The following TRPM1 variants were observed in gnomAD, a reference collection of about 807,000 sequenced individuals.
TRPM1 encodes TRPM1-203 APA Isoform, Intron 10.
In TRPM1, 113 loss-of-function variants were observed where a neutral mutation model predicts 149.4. The ratio of observed to expected loss-of-function variants is 0.76; its 90% CI spans 0.65 to 0.88. TRPM1 has a LOEUF of 0.88. Ranked by LOEUF, TRPM1 falls within the 40% of genes least tolerant of loss-of-function variation. The pLI is 0.00. For missense variants in TRPM1, 1,976 were observed against 2,038.7 expected (o/e 0.97, Z 0.59); for synonymous variants, 741 against 759.5 (o/e 0.98, Z 0.40).
intron 27 of TRPM1, among the ~76,000 whole-genome samples, chr15:31,022,704 T>C (rs1449422099): frequency 6.6e-6 from 1 of 152,152 alleles, no homozygotes. Context: ...AGGGAACTCA[T>C]TAAGGATGGG....
At position 31,136,519 on chromosome 15, in the gene TRPM1, G is replaced by A. The variant is rs184956462; in HGVS notation, c.54+24387C>T. On this transcript the variant is annotated intron_variant, in intron 1 of 26. Coordinates refer to the TRPM1 transcript ENST00000542188. ...CTGATCTGCCATCATCACAGATTGG[G>A]TTAGGCTGCTACTGAAACAGACAAT... Among the ~76,000 whole-genome samples the A allele has an allele frequency of 5.9e-5, 9 of 152,324 alleles. No individual in the cohort carries two copies. The East Asian group carries it at 1.7e-3, about 29-fold the overall frequency.
intron 2 of TRPM1, among the ~76,000 whole-genome samples, chr15:31,078,494 C>G (rs1388059744): frequency 6.6e-6 from 1 of 152,160 alleles, no homozygotes; most frequent in Non-Finnish European, 1.5e-5. Flanking sequence ...TCCTCAGTAG[C>G]CTTCAAAAAG....
intron 26 of TRPM1, among the ~76,000 whole-genome samples, chr15:31,026,574 C>T (rs1156630230): frequency 6.6e-6 from 1 of 152,090 alleles, no homozygotes; most frequent in African/African-American, 2.4e-5. Context: ...TAGAGTCAAA[C>T]GTATAGCATT....
At chr15:31,056,735 A>G (rs1431406574) in intron 11 of TRPM1, among the ~76,000 whole-genome samples, 3 of 152,166 alleles carry the variant, frequency 2.0e-5, no homozygotes, top group Admixed American at 6.6e-5. Flanking sequence ...GATTTGTTTT[A>G]AGAGTTCAGC....
chr15:31,037,559 A>G, intron 20 of TRPM1, 152 bp downstream of exon 20: 2 of 1,058,340 alleles, frequency 1.9e-6, no homozygotes, highest in Non-Finnish European at 2.8e-6. Context: ...TGTTAGCCAG[A>G]GATCTCAATT....
chr15:31,010,260 G>C (rs1486348622), intron 27 of TRPM1, among the ~76,000 whole-genome samples: 1 of 152,220 alleles, frequency 6.6e-6, no homozygotes, highest in African/African-American at 2.4e-5. Flanking sequence ...TCCAATGCCA[G>C]TTCAGTTTTC....
In TRPM1 at chr15:31,049,574, T is replaced by C; in HGVS notation, c.1438-65A>G. ...CAGAGACACAGGGGAGGGGGGCGAC[T>C]GGAAACACAGAGGAAAGGGTATTCC... On this transcript the variant is annotated intron_variant, in intron 12 of 27. Transcript: ENST00000256552. 5 of 1,589,130 alleles carry C rather than the reference T, an allele frequency of 3.1e-6. No homozygotes were observed. In the South Asian group the frequency reaches 5.5e-5, roughly 18 times the overall value.
At chr15:31,033,946 G>T (rs776336441) in intron 21 of TRPM1, among the ~76,000 whole-genome samples, 1 of 152,134 alleles carries the variant, frequency 6.6e-6, no homozygotes, top group Non-Finnish European at 1.5e-5. Flanking sequence ...GGTTTTTCAG[G>T]CTCTAATTAG....
chr15:31,026,868 CTA>C (rs373319949), intron 26 of TRPM1, 45 bp downstream of exon 26: 6 of 1,593,536 alleles, frequency 3.8e-6, no homozygotes, highest in African/African-American at 2.7e-5. Flanking sequence ...AATTTGAACA[CTA>C]TTTTGAAATC....
chr15:31,072,338 T>C (rs2034581485), intron 3 of TRPM1, among the ~76,000 whole-genome samples: 1 of 152,142 alleles, frequency 6.6e-6, no homozygotes, highest in African/African-American at 2.4e-5. Context: ...ATCCATATTG[T>C]AGCATGTGTT....
chr15:31,026,907 G>A lies in TRPM1; in HGVS notation c.3496+8C>T, dbSNP rs1204036460. The A allele has an allele frequency of 1.9e-6, 3 of 1,613,032 alleles. No individual in the cohort carries two copies. The highest frequency in any genetic ancestry group is 1.7e-6 in the Non-Finnish European group (2 of 1,179,708). On this transcript the variant is annotated splice_region_variant and intron_variant, in intron 26 of 27. Transcript: ENST00000256552. ...GCCCAACTTAGAAATGAAGAGCCCT[G>A]CACATACTCAATCCACGATCCCGTT...
At position 31,084,737 on chromosome 15, in the gene TRPM1, G is replaced by A. The variant is rs541942806; in HGVS notation, c.-83-3299C>T. Among the ~76,000 whole-genome samples the A allele has an allele frequency of 1.0e-4, 15 of 146,960 alleles. No homozygotes were observed. The East Asian group carries it at 2.0e-3, about 19-fold the overall frequency. On this transcript the variant is annotated intron_variant, in intron 1 of 27. Coordinates refer to ENST00000256552, the MANE Select transcript of TRPM1 (RefSeq NM_001252024.2). ...CGCCTAGGCTGGAGTGCAGTGGCGC[G>A]ATCTTGGCTCACTGCAAACTCCACC... is the stretch of plus-strand genomic sequence containing the variant.
In TRPM1 at chr15:31,067,115, C is replaced by A; in HGVS notation, c.566G>T (p.Gly189Val). 6.2e-7 allele frequency: 1 copy of A among 1,614,146 alleles called. No homozygotes were observed. Among genetic ancestry groups the A allele is most frequent in the Non-Finnish European group, 8.5e-7 (1 of 1,180,028 alleles). The change falls in exon 6 of 28, where the codon GGA (glycine) becomes GTA (valine). Residue 189 changes from glycine (G) to valine (V), a missense_variant. Gly to Val is a moderately radical substitution (Grantham distance 109). Transcript: ENST00000256552. ...SKSRGRVCAI[G>V]IAPWGIVENK... ...CTCCACGATGCCCCATGGAGCAATTCCTATAGCACAAACCCGGCCTCTGGA... is the reference window on the plus strand; with the variant it reads ...CTCCACGATGCCCCATGGAGCAATTACTATAGCACAAACCCGGCCTCTGGA...
chr15:31,156,936 T>TG (rs1208726885), intron 1 of TRPM1, among the ~76,000 whole-genome samples: 3 of 151,970 alleles, frequency 2.0e-5, no homozygotes, highest in Non-Finnish European at 2.9e-5. Context: ...ATTTATTTTT[T>TG]TTTTTTTGAG....
intron 7 of TRPM1, among the ~76,000 whole-genome samples, chr15:31,063,887 A>G (rs1168583593): frequency 6.6e-6 from 1 of 152,222 alleles, no homozygotes; most frequent in Non-Finnish European, 1.5e-5. Context: ...GGCTACTTCA[A>G]GGTGACCACT....
intron 2 of TRPM1, 87 bp downstream of exon 2, chr15:31,081,266 T>C: frequency 1.2e-6 from 1 of 823,440 alleles, no homozygotes; most frequent in Non-Finnish European, 2.0e-6. Context: ...AATCCGTCTT[T>C]TCCTAATAAA....
At chr15:31,093,951 T>A (rs2035310126) in intron 1 of TRPM1, among the ~76,000 whole-genome samples, 1 of 152,192 alleles carries the variant, frequency 6.6e-6, no homozygotes, top group Admixed American at 6.5e-5. Context: ...TCATATTTTC[T>A]GATTTCAGAA....
intron 11 of TRPM1, among the ~76,000 whole-genome samples, chr15:31,054,102 T>C (rs952548987): frequency 3.3e-5 from 5 of 152,192 alleles, no homozygotes; most frequent in Non-Finnish European, 7.3e-5. Context: ...GGAATTATTG[T>C]TTGATGGGCA....
chr15:31,086,476 C>A (rs187405360), intron 1 of TRPM1, among the ~76,000 whole-genome samples: 1 of 152,352 alleles, frequency 6.6e-6, no homozygotes, highest in Non-Finnish European at 1.5e-5. Flanking sequence ...AGGCACAGCC[C>A]GGGCTTTTTG....
Sources: allele counts gnomAD v4.1 joint callset (sites outside exome capture counted in the v4.1 genomes callset), GRCh38; gene constraint gnomAD v4.1.1; transcripts MANE v1.5; gene names NCBI Gene and HGNC (gene_info 2026-07-23, HGNC 2026-07-21).